Variants in RAP1GAP2 observed in about 807,000 individuals in gnomAD.
The protein encoded by RAP1GAP2 is RAP1 GTPase activating protein 2, also known as rap1 GTPase-activating protein 2.
In RAP1GAP2, 27 loss-of-function variants were observed where a neutral mutation model predicts 95.0. The observed-to-expected ratio is 0.28, with a 90% CI of 0.21 to 0.39. The LOEUF (loss-of-function observed/expected upper bound fraction) is 0.39, where lower values mean the gene tolerates loss of function less well. Among genes scored for constraint, RAP1GAP2 ranks in the 10% least tolerant of loss-of-function variants. The pLI is 1.00. For synonymous variants in RAP1GAP2, 373 were observed against 380.9 expected (o/e 0.98, Z 0.24); for missense variants, 771 against 970.0 (o/e 0.79, Z 2.72).
intron 2 of RAP1GAP2, among the ~76,000 whole-genome samples, chr17:2,888,675 C>T (rs1437749829): frequency 1.5e-3 from 197 of 127,562 alleles, no homozygotes; most frequent in African/African-American, 3.9e-3. Flanking sequence ...TTTTTGGAGA[C>T]GGAGTCTTGC....
intron 8 of RAP1GAP2, among the ~76,000 whole-genome samples, chr17:2,967,085 G>A (rs2044634570): frequency 1.3e-5 from 2 of 152,170 alleles, no homozygotes; most frequent in South Asian, 4.1e-4. Flanking sequence ...AAGCAGTGTT[G>A]TGGCCAGGCA....
At chr17:2,882,088 G>A (rs2073322203) in intron 2 of RAP1GAP2, among the ~76,000 whole-genome samples, 1 of 150,374 alleles carries the variant, frequency 6.7e-6, no homozygotes, top group Non-Finnish European at 1.5e-5. Flanking sequence ...TCAAAGTGCT[G>A]GGATTACAGG....
intron 2 of RAP1GAP2, among the ~76,000 whole-genome samples, chr17:2,856,162 T>G (rs576551433): frequency 2.1e-4 from 32 of 152,248 alleles, no homozygotes; most frequent in African/African-American, 5.5e-4. Flanking sequence ...AGGTCAACTC[T>G]GAGACAGCCT....
At chr17:2,981,963 G>A (rs183505418) in intron 10 of RAP1GAP2, among the ~76,000 whole-genome samples, 3 of 152,304 alleles carry the variant, frequency 2.0e-5, no homozygotes, top group Non-Finnish European at 4.4e-5. Flanking sequence ...GAGGGACAAC[G>A]GAAGCAGAGC....
At chr17:2,767,221 G>T (rs745345240) in intron 1 of RAP1GAP2, among the ~76,000 whole-genome samples, 12 of 151,748 alleles carry the variant, frequency 7.9e-5, no homozygotes, top group Non-Finnish European at 1.5e-4. Flanking sequence ...AATTAACCGG[G>T]TGTGGTGACA....
At chr17:2,872,849 G>T (rs1261959631) in intron 2 of RAP1GAP2, among the ~76,000 whole-genome samples, 2 of 151,982 alleles carry the variant, frequency 1.3e-5, no homozygotes, top group African/African-American at 4.8e-5. Flanking sequence ...TTTTTGTAGA[G>T]ACTGGATCCC....
At chr17:3,000,292 G>A (rs1364537241) in intron 14 of RAP1GAP2, among the ~76,000 whole-genome samples, 2 of 152,254 alleles carry the variant, frequency 1.3e-5, no homozygotes, top group Non-Finnish European at 2.9e-5. Context: ...AGTGAAATGG[G>A]CATTCACTTC....
At chr17:2,941,517 C>G (rs1395807229) in intron 3 of RAP1GAP2, among the ~76,000 whole-genome samples, 1 of 152,030 alleles carries the variant, frequency 6.6e-6, no homozygotes, top group Admixed American at 6.6e-5. Flanking sequence ...AGGCAGGAGC[C>G]CGAGGCGCTG....
At chr17:2,814,978 C>T (rs2069942138) in intron 2 of RAP1GAP2, among the ~76,000 whole-genome samples, 1 of 152,116 alleles carries the variant, frequency 6.6e-6, no homozygotes, top group African/African-American at 2.4e-5. Context: ...CCCTGTCCCA[C>T]CCTGCCATGC....
intron 2 of RAP1GAP2, among the ~76,000 whole-genome samples, chr17:2,853,126 G>T (rs1025391613): frequency 1.5e-4 from 23 of 152,132 alleles, no homozygotes; most frequent in Admixed American, 5.2e-4. Context: ...GCCGACCCCA[G>T]CCCACTCTGC....
chr17:2,947,431 T>C (rs2043741885), intron 3 of RAP1GAP2, among the ~76,000 whole-genome samples: 1 of 152,022 alleles, frequency 6.6e-6, no homozygotes, highest in Non-Finnish European at 1.5e-5. Flanking sequence ...CAGCCCTGAC[T>C]CTAGCCATCC....
Position 2,973,361 on chromosome 17 carries a change from C to G in RAP1GAP2, c.597-6926C>G, listed in dbSNP as rs112469723. 2.8e-3 allele frequency among the ~76,000 whole-genome samples: 424 copies of G among 152,158 alleles called. 1 individual carries two copies. The highest frequency in any genetic ancestry group is 9.5e-3 in the African/African-American group (396 of 41,518). The stretch of plus-strand genomic sequence containing the variant: ...CGAAACCCTGTCTCTACTAAAAATA[C>G]AAAAACTAGCCAGGCGTGGTGGTGG... On this transcript the variant is annotated intron_variant, in intron 8 of 24. Coordinates refer to ENST00000254695, the MANE Select transcript of RAP1GAP2 (RefSeq NM_015085.5).
At chr17:2,921,197 T>C (rs762518205) in intron 3 of RAP1GAP2, among the ~76,000 whole-genome samples, 4 of 149,192 alleles carry the variant, frequency 2.7e-5, no homozygotes, top group Admixed American at 6.6e-5. Flanking sequence ...AGGAATTTCT[T>C]ATCTTTTTTT....
At chr17:2,933,604 G>T (rs1162556208) in intron 3 of RAP1GAP2, among the ~76,000 whole-genome samples, 1 of 152,236 alleles carries the variant, frequency 6.6e-6, no homozygotes, top group Non-Finnish European at 1.5e-5. Context: ...TGGCTGCTGG[G>T]TAGACCGAGG....
In RAP1GAP2 at chr17:3,005,564, TGGG is replaced by T. The variant is rs1427474404; in HGVS notation, c.1272+128_1272+130del. 2.6e-6 allele frequency: 3 copies of T among 1,135,988 alleles called. No homozygotes were observed. Among genetic ancestry groups the T allele is most frequent in the African/African-American group, 1.5e-5 (1 of 65,404 alleles). 70.4% of individuals were successfully genotyped at this position (1,135,988 alleles called of 1,614,324 possible). The stretch of plus-strand genomic sequence containing the variant: ...ATTAGGGAGCTCCTTTTGCAGGTTT[TGGG>T]GGGAACCTCCTTTCTTGGGGTCTCT... On this transcript the variant is annotated intron_variant, in intron 15 of 24. Transcript: ENST00000254695. This position sits in a 1 kb window ranked among gnomAD's most constrained non-coding sequence, Gnocchi z 5.2.
intron 24 of RAP1GAP2, among the ~76,000 whole-genome samples, chr17:3,032,863 G>A (rs995092568): frequency 2.6e-5 from 4 of 152,148 alleles, no homozygotes; most frequent in Non-Finnish European, 4.4e-5. Flanking sequence ...CCTCCCTGTC[G>A]GGAGTCAGCA....
At chr17:2,762,202 T>A (rs997185105) in intron 1 of RAP1GAP2, among the ~76,000 whole-genome samples, 19 of 151,458 alleles carry the variant, frequency 1.3e-4, no homozygotes, top group Admixed American at 7.9e-4. Context: ...TTAGCCAGGA[T>A]GATCTCGATC....
At position 2,963,862 on chromosome 17, in the gene RAP1GAP2, G is replaced by C; in HGVS notation, c.286G>C (p.Glu96Gln). The change falls in exon 7 of 25, where the codon GAG (glutamate) becomes CAG (glutamine). Residue 96 changes from glutamate to glutamine, a missense_variant. By Grantham distance (29) the Glu-to-Gln change is conservative. Transcript: ENST00000254695. This position sits in a 1 kb window ranked among gnomAD's most constrained non-coding sequence, Gnocchi z 4.8. ...ACCCTCCCTCTGCCTTCAGGTTGTGGAGAAGGGAGGCCCGTACCCTCAGGT... is the reference window on the plus strand; with the variant it reads ...ACCCTCCCTCTGCCTTCAGGTTGTGCAGAAGGGAGGCCCGTACCCTCAGGT... ...IPYPSIDEVV[E>Q]KGGPYPQVIL... The C allele has an allele frequency of 6.2e-7, 1 of 1,602,406 alleles. No homozygotes were observed. Among genetic ancestry groups the C allele is most frequent in the Non-Finnish European group, 8.5e-7 (1 of 1,174,484 alleles).
At chr17:3,010,822 C>T (rs139430639) in intron 17 of RAP1GAP2, among the ~76,000 whole-genome samples, 2 of 152,340 alleles carry the variant, frequency 1.3e-5, no homozygotes, top group African/African-American at 4.8e-5. Flanking sequence ...TCTGCTCTCA[C>T]ACCTACCTGA....
Sources: gnomAD v4.1 joint callset for allele counts (sites outside exome capture counted in the v4.1 genomes callset) on GRCh38, gnomAD v4.1.1 for gene constraint, Gnocchi (gnomAD v3.1) non-coding constraint, MANE v1.5 for transcripts, NCBI Gene and HGNC (gene_info 2026-07-23, HGNC 2026-07-21) for gene names.